Variants in GNG12 observed in about 807,000 individuals in gnomAD.
GNG12 encodes G protein subunit gamma 12.
For synonymous variants in GNG12, 28 were observed against 29.7 expected, an observed-to-expected ratio of 0.94 and a Z score of 0.19; for missense variants, 69 against 83.8, an observed-to-expected ratio of 0.82 and a Z score of 0.69.
At chr1:67,776,550 A>G (rs1224668105) in intron 2 of GNG12, among the ~76,000 whole-genome samples, 1 of 152,182 alleles carries the variant, frequency 6.6e-6, no homozygotes, top group Admixed American at 6.5e-5. Flanking sequence ...CCCAATCACC[A>G]TATGAACAAA....
chr1:67,815,677 G>T (rs189504374), intron 1 of GNG12, among the ~76,000 whole-genome samples: 17 of 152,146 alleles, frequency 1.1e-4, no homozygotes, highest in Admixed American at 9.8e-4. Flanking sequence ...TTTCTTAATG[G>T]ACAGATTTAG....
chr1:67,709,924 TTATATATATAGTTATATATATATAGTTA>T (rs1365375016), intron 2 of GNG12, among the ~76,000 whole-genome samples: 3 of 41,348 alleles, frequency 7.3e-5, no homozygotes, highest in Non-Finnish European at 1.4e-4. Context: ...ATATATATAG[TTATATATATAGTTATATATATATAGTTA>T]TATATATAGT....
At chr1:67,715,433 T>C (rs1027256159) in intron 2 of GNG12, among the ~76,000 whole-genome samples, 1 of 152,210 alleles carries the variant, frequency 6.6e-6, no homozygotes, top group Non-Finnish European at 1.5e-5. Context: ...TCTCTGTCAA[T>C]TCAATGCGTT....
At chr1:67,756,445 G>A (rs1646568614) in intron 2 of GNG12, among the ~76,000 whole-genome samples, 1 of 152,188 alleles carries the variant, frequency 6.6e-6, no homozygotes, top group South Asian at 2.1e-4. Flanking sequence ...ACAGGTTAAT[G>A]ACAAATAATG....
chr1:67,724,609 C>T (rs1028323806), intron 2 of GNG12, among the ~76,000 whole-genome samples: 1 of 148,352 alleles, frequency 6.7e-6, no homozygotes, highest in Non-Finnish European at 1.5e-5. Flanking sequence ...AGGCTGGCCT[C>T]GAACTCCTGA....
intron 1 of GNG12, among the ~76,000 whole-genome samples, chr1:67,795,478 A>T (rs1033830472): frequency 1.3e-5 from 2 of 152,214 alleles, no homozygotes; most frequent in African/African-American, 4.8e-5. Flanking sequence ...TCGTCCATAC[A>T]TATCTGCTGA....
At position 67,734,476 on chromosome 1, in the gene GNG12, A is replaced by G. The variant is rs528103215; in HGVS notation, c.-26-26764T>C. On this transcript the variant is annotated intron_variant, in intron 2 of 3. Transcript: ENST00000370982. ...CTAATTTACCCCTCACAGTCACCCT[A>G]TGCAAGAGTGCTATATTTTCCCCAC... Among the ~76,000 whole-genome samples the G allele has an allele frequency of 5.3e-5, 8 of 152,306 alleles. No individual in the cohort carries two copies. In the South Asian group the frequency reaches 1.5e-3, roughly 28 times the overall value.
rs1300137996 is a variant in GNG12, at chr1:67,786,965, G to A, written c.-76-9458C>T. Among the ~76,000 whole-genome samples the A allele has an allele frequency of 4.9e-4, 73 of 149,132 alleles. 1 individual carries two copies. The highest frequency in any genetic ancestry group is 4.3e-4 in the South Asian group (2 of 4,678). On this transcript the variant is annotated intron_variant, in intron 1 of 3. Transcript: ENST00000370982. The stretch of plus-strand genomic sequence containing the variant: ...TGTGTGTGTGTGTGTGTGTGTGTGT[G>A]TGTGTGTGTGTGTGTGTGTGTATGT...
chr1:67,816,438 G>A (rs145084137), intron 1 of GNG12, among the ~76,000 whole-genome samples: 173 of 152,278 alleles, frequency 1.1e-3, no homozygotes, highest in African/African-American at 4.1e-3. Context: ...GGGCTTTCAC[G>A]ACTTTCCAAG....
At chr1:67,805,731 ACTAT>A (rs1371967111) in intron 1 of GNG12, among the ~76,000 whole-genome samples, 1 of 152,102 alleles carries the variant, frequency 6.6e-6, no homozygotes, top group Non-Finnish European at 1.5e-5. Context: ...AAACAGAAGC[ACTAT>A]CTGAGGCAAT....
chr1:67,815,802 A>G (rs1327273976), intron 1 of GNG12, among the ~76,000 whole-genome samples: 2 of 152,120 alleles, frequency 1.3e-5, no homozygotes, highest in African/African-American at 4.8e-5. Flanking sequence ...TGAGGAAATG[A>G]GCCAGGATCC....
intron 2 of GNG12, among the ~76,000 whole-genome samples, chr1:67,746,667 T>C (rs902999537): frequency 1.3e-5 from 2 of 152,238 alleles, no homozygotes; most frequent in Non-Finnish European, 2.9e-5. Context: ...ATAGGGAGTT[T>C]GGCTTAAATC....
chr1:67,797,650 T>A (rs1022695621), intron 1 of GNG12, among the ~76,000 whole-genome samples: 14 of 152,140 alleles, frequency 9.2e-5, no homozygotes, highest in Non-Finnish European at 1.9e-4. Context: ...CCCAACTTAT[T>A]TCACTCAAAT....
chr1:67,800,544 AT>A (rs1253568454), intron 1 of GNG12, among the ~76,000 whole-genome samples: 8 of 152,192 alleles, frequency 5.3e-5, no homozygotes, highest in Non-Finnish European at 8.8e-5. Context: ...TCACACAAGC[AT>A]TTTTCCTTGA....
intron 2 of GNG12, among the ~76,000 whole-genome samples, chr1:67,769,397 G>C (rs960470089): frequency 6.6e-6 from 1 of 152,176 alleles, no homozygotes; most frequent in African/African-American, 2.4e-5. Context: ...TGTCACATGA[G>C]CATGAAAGAA....
intron 1 of GNG12, among the ~76,000 whole-genome samples, chr1:67,797,680 T>C (rs1646840131): frequency 6.6e-6 from 1 of 152,192 alleles, no homozygotes; most frequent in African/African-American, 2.4e-5. Flanking sequence ...TTAAACTCTC[T>C]ACACTTTGCC....
At chr1:67,705,922 G>A (rs1297676211) in intron 3 of GNG12, among the ~76,000 whole-genome samples, 1 of 152,166 alleles carries the variant, frequency 6.6e-6, no homozygotes, top group Non-Finnish European at 1.5e-5. Context: ...GATCACACCC[G>A]AAGTGAGGGT....
rs1159769975 is a variant in GNG12, at chr1:67,776,374, T to G, written c.-27+1084A>C. ...AAATGGCTACATTTCTTCCCCTCCC[T>G]GTATCCATGCTCCTTGAAATGGGAC... On this transcript the variant is annotated intron_variant, in intron 2 of 3. Transcript: ENST00000370982. Among the ~76,000 whole-genome samples the G allele has an allele frequency of 2.0e-5, 3 of 152,184 alleles. No homozygotes were observed. In the East Asian group the frequency reaches 5.8e-4, roughly 29 times the overall value.
At chr1:67,750,629 C>A (rs1002974037) in intron 2 of GNG12, among the ~76,000 whole-genome samples, 2 of 152,160 alleles carry the variant, frequency 1.3e-5, no homozygotes, top group South Asian at 2.1e-4. Context: ...ACTTACAAAT[C>A]GGCAGGGTTT....
Sources: allele counts gnomAD v4.1 joint callset (sites outside exome capture counted in the v4.1 genomes callset), GRCh38; gene constraint gnomAD v4.1.1; transcripts MANE v1.5; gene names NCBI Gene and HGNC (gene_info 2026-07-23, HGNC 2026-07-21).